Variants in TBC1D10B observed in about 807,000 individuals in gnomAD.
The protein encoded by TBC1D10B is Rab27A-GAPbeta.
In TBC1D10B, 25 loss-of-function variants were observed where a neutral mutation model predicts 78.4. The ratio of observed to expected loss-of-function variants is 0.32; its 90% CI spans 0.23 to 0.45. The LOEUF is 0.45. TBC1D10B is among the 20% of genes least tolerant of loss of function. TBC1D10B has a pLI of 1.00. For synonymous variants in TBC1D10B, 517 were observed against 478.0 expected (o/e 1.08, Z -1.06); for missense variants, 996 against 1,104.8 (o/e 0.90, Z 1.40).
Position 30,358,004 on chromosome 16 carries a change from T to G in TBC1D10B, c.2367A>C (p.Pro789=). 1 of 1,551,768 alleles carries G rather than the reference T, an allele frequency of 6.4e-7. No homozygotes were observed. Among genetic ancestry groups the G allele is most frequent in the East Asian group, 2.4e-5 (1 of 40,922 alleles). ...GCCTGTCCCCACCATCATGGGGGCC[T>G]GGGGGCCCATCTGCCTTTCGACGCA... ...LSLRRKADGP[P]GPHDGGDRPS... is the part of the protein sequence containing the mutation. Residue 789 remains proline (P), a synonymous_variant, in exon 9 of 9, where the codon CCA becomes CCC. Coordinates refer to ENST00000409939, the MANE Select transcript of TBC1D10B (RefSeq NM_015527.4).
At chr16:30,358,964 A>G (rs2049580458) in intron 7 of TBC1D10B, 147 bp from the exon 8 acceptor site, 1 of 1,249,232 alleles carries the variant, frequency 8.0e-7, no homozygotes, top group African/African-American at 1.5e-5. Context: ...ATGAGCTGCT[A>G]TCAGTCTCAG....
intron 6 of TBC1D10B, 52 bp downstream of exon 6, chr16:30,359,479 TGCCTGCA>T: frequency 6.4e-7 from 1 of 1,550,992 alleles, no homozygotes; most frequent in Non-Finnish European, 8.7e-7. Context: ...GGCAAGGACC[TGCCTGCA>T]GCCTGGAGGA....
In TBC1D10B at chr16:30,369,126, G is replaced by C. The variant is rs1394939103; in HGVS notation, c.956+102C>G. ...ATCACCCCGTGGATCCTCAGAGGAG[G>C]CTGGGCTGCCAGAGTCTGGGCAAAG... On this transcript the variant is annotated intron_variant, in intron 1 of 8. Coordinates refer to ENST00000409939, the MANE Select transcript of TBC1D10B (RefSeq NM_015527.4). The surrounding 1 kb of genome is among the most constrained non-coding windows in gnomAD (Gnocchi z 4.3). 8.1e-7 allele frequency: 1 copy of C among 1,238,284 alleles called. No homozygotes were observed. The highest frequency in any genetic ancestry group is 1.1e-6 in the Non-Finnish European group (1 of 907,582). 76.7% of individuals were successfully genotyped at this position (1,238,284 alleles called of 1,614,324 possible). A position where few individuals can be genotyped will look rare whatever the true frequency, so the allele number is the denominator to read the frequency against.
At chr16:30,368,025 G>T (rs907889248) in intron 1 of TBC1D10B, 1 of 152,150 alleles carries the variant, frequency 6.6e-6, no homozygotes, top group Non-Finnish European at 1.5e-5. Flanking sequence ...TTATTTGAGG[G>T]GGACAATTCA....
At chr16:30,359,671 A>G in intron 5 of TBC1D10B, 56 bp downstream of exon 5, 1 of 1,553,864 alleles carries the variant, frequency 6.4e-7, no homozygotes. Context: ...CTCCCCCATC[A>G]CCACTGTAGG....
chr16:30,360,056 T>C, intron 4 of TBC1D10B: 2 of 547,408 alleles, frequency 3.7e-6, no homozygotes. Flanking sequence ...CTCCTGGCCA[T>C]CCCAGCACAG....
rs1469328946 is a variant in TBC1D10B at position 30,365,234 on chromosome 16, G to C, written c.1057-22C>G. 1 of 1,607,248 alleles carries C rather than the reference G, an allele frequency of 6.2e-7. No individual in the cohort carries two copies. The highest frequency in any genetic ancestry group is 8.5e-7 in the Non-Finnish European group (1 of 1,174,090). On this transcript the variant is annotated intron_variant, in intron 2 of 8. Coordinates refer to ENST00000409939, the MANE Select transcript of TBC1D10B (RefSeq NM_015527.4). The surrounding 1 kb of genome is among the most constrained non-coding windows in gnomAD (Gnocchi z 5.0). ...TCACCTAAGGCAAAGTGGCAGGAGG[G>C]GGACAGCTTCAAGGGCTGGCACAGC...
At chr16:30,359,923 G>A in intron 4 of TBC1D10B, 82 bp from the exon 5 acceptor site, 7 of 1,254,192 alleles carry the variant, frequency 5.6e-6, no homozygotes, top group Non-Finnish European at 3.3e-6. Flanking sequence ...TCGTCCCAGA[G>A]TTTATCACCA....
rs563976463 is a variant in TBC1D10B, at chr16:30,370,071, G to A, written c.113C>T (p.Pro38Leu). 3.3e-5 allele frequency: 40 copies of A among 1,227,166 alleles called. No homozygotes were observed. The South Asian group carries it at 1.5e-3, about 47-fold the overall frequency. 76.0% of individuals were successfully genotyped at this position (1,227,166 alleles called of 1,614,324 possible). The change falls in exon 1 of 9, where the codon CCG (proline) becomes CTG (leucine). Residue 38 changes from proline to leucine, a missense_variant. Physicochemically the swap from Pro to Leu is moderately conservative, Grantham distance 98. Around this residue, in one of 5 missense-constraint regions of TBC1D10B, gnomAD observed 448 missense variants for 442.1 expected, o/e 1.01. Transcript: ENST00000409939. ...SRAGPVVVVA[P>L]GPPVTTATSA... Reference sequence around the variant, plus strand: ...AGTGGCCGTAGTCACTGGAGGTCCCGGAGCCACCACCACGACGGGCCCGGC... The same window carrying A: ...AGTGGCCGTAGTCACTGGAGGTCCCAGAGCCACCACCACGACGGGCCCGGC...
In TBC1D10B at chr16:30,359,938, C is replaced by T. The variant is rs547305456; in HGVS notation, c.1272-97G>A. On this transcript the variant is annotated intron_variant, in intron 4 of 8. Coordinates refer to ENST00000409939, the MANE Select transcript of TBC1D10B (RefSeq NM_015527.4). ...TCGTCCCAGAGTTTATCACCAGGCT[C>T]CTCCATCCACCTGCCCAGTCCTGCT... The T allele has an allele frequency of 2.2e-5, 23 of 1,066,206 alleles. No individual in the cohort carries two copies. In the East Asian group the frequency reaches 2.9e-4, roughly 13 times the overall value. The allele number at this position is 1,066,206 out of a possible 1,614,324, so 66.0% of individuals were successfully genotyped here.
intron 4 of TBC1D10B, among the ~76,000 whole-genome samples, chr16:30,362,908 G>A (rs1170661097): frequency 6.6e-6 from 1 of 152,186 alleles, no homozygotes; most frequent in Non-Finnish European, 1.5e-5. Context: ...ATGGTGGCGG[G>A]TGCCTGTAAT....
chr16:30,369,430 G>C lies in TBC1D10B; in HGVS notation c.754C>G (p.Leu252Val). ...CGAGGCCCAGAGATGCCAGGTCCCA[G>C]GCTGGACGTGGAGCCCAGGTCTTGA... ...NSQDLGSTSS[L>V]GPGISGPRGQ... The change falls in exon 1 of 9, where the codon CTG (leucine) becomes GTG (valine). Residue 252 changes from leucine (L) to valine (V), a missense_variant. Leu to Val is a conservative substitution (Grantham distance 32, BLOSUM62 1). This residue lies in a region of TBC1D10B where 448 missense variants were observed against 442.1 expected (regional missense o/e 1.01). Coordinates refer to ENST00000409939, the MANE Select transcript of TBC1D10B (RefSeq NM_015527.4). This position sits in a 1 kb window ranked among gnomAD's most constrained non-coding sequence, Gnocchi z 4.3. The C allele has an allele frequency of 1.3e-6, 2 of 1,562,440 alleles. No homozygotes were observed. Among genetic ancestry groups the C allele is most frequent in the Non-Finnish European group, 1.7e-6 (2 of 1,153,404 alleles).
intron 4 of TBC1D10B, chr16:30,360,207 G>A (rs537133786): frequency 2.4e-4 from 49 of 203,306 alleles, no homozygotes; most frequent in African/African-American, 8.3e-4. Context: ...GCTCCCCAGG[G>A]CAGGGCCTGC....
At chr16:30,364,270 G>A (rs1365705021) in intron 4 of TBC1D10B, among the ~76,000 whole-genome samples, 2 of 151,934 alleles carry the variant, frequency 1.3e-5, no homozygotes, top group Non-Finnish European at 2.9e-5. Flanking sequence ...GTGAAACCCC[G>A]TCTCTGCTAA....
At position 30,359,478 on chromosome 16, in the gene TBC1D10B, C is replaced by T. The variant is rs1236450267; in HGVS notation, c.1452+60G>A. On this transcript the variant is annotated intron_variant, in intron 6 of 8. Transcript: ENST00000409939. ...GGCCAGGGTGGGGCAAGGCAAGGAC[C>T]TGCCTGCAGCCTGGAGGAAACGCCA... is the stretch of plus-strand genomic sequence containing the variant. 5.2e-6 allele frequency: 8 copies of T among 1,550,480 alleles called. 1 individual carries two copies. The African/African-American group carries it at 6.8e-5, about 13-fold the overall frequency.
rs1034171847 is a variant in TBC1D10B, at chr16:30,364,977, C to T, written c.1194G>A (p.Lys398=). 5 of 1,613,368 alleles carry T rather than the reference C, an allele frequency of 3.1e-6. No individual in the cohort carries two copies. Among genetic ancestry groups the T allele is most frequent in the Non-Finnish European group, 4.2e-6 (5 of 1,179,702 alleles). ...EELERAPGDP[K]WLDVIEKDLH... Reference sequence around the variant, plus strand: ...GGTCCTTCTCAATCACATCCAGCCACTTGGGGTCCCCAGGAGCCCGTTCCA... The same window carrying T: ...GGTCCTTCTCAATCACATCCAGCCATTTGGGGTCCCCAGGAGCCCGTTCCA... Residue 398 remains lysine (K), a synonymous_variant, in exon 4 of 9, where the codon AAG becomes AAA. Coordinates refer to ENST00000409939, the MANE Select transcript of TBC1D10B (RefSeq NM_015527.4).
In TBC1D10B at chr16:30,359,841, C is replaced by T; in HGVS notation, c.1272G>A (p.Gly424=). Reference sequence around the variant, plus strand: ...TCAGGATTCGGTACAGGTCCTGTTGCCTGTGGGGGTTGGGGAAGACTGTGA... The same window carrying T: ...TCAGGATTCGGTACAGGTCCTGTTGTCTGTGGGGGTTGGGGAAGACTGTGA... The part of the protein sequence containing the change: ...HEMFAARGGH[G]QQDLYRILKA... The change falls in exon 5 of 9, where the codon GGG becomes GGA. Residue 424 remains glycine, a splice_region_variant and synonymous_variant. Coordinates refer to ENST00000409939, the MANE Select transcript of TBC1D10B (RefSeq NM_015527.4). The T allele has an allele frequency of 6.4e-7, 1 of 1,558,324 alleles. No homozygotes were observed. The highest frequency in any genetic ancestry group is 2.4e-5 in the East Asian group (1 of 41,606).
rs2049651895 is a variant in TBC1D10B at position 30,368,259 on chromosome 16, C to T, written c.956+969G>A. On this transcript the variant is annotated intron_variant, in intron 1 of 8. Coordinates refer to ENST00000409939, the MANE Select transcript of TBC1D10B (RefSeq NM_015527.4). ...CAAGACTAAATCAATCCTACTTACTCTCCACGATTCAGAGCAGGTTCAGCT... is the reference window on the plus strand; with the variant it reads ...CAAGACTAAATCAATCCTACTTACTTTCCACGATTCAGAGCAGGTTCAGCT... Among the ~76,000 whole-genome samples, 3 of 152,204 alleles carry T rather than the reference C, an allele frequency of 2.0e-5. No homozygotes were observed. The South Asian group carries it at 6.2e-4, about 32-fold the overall frequency.
intron 1 of TBC1D10B, among the ~76,000 whole-genome samples, chr16:30,368,897 G>T (rs142600721): frequency 1.3e-3 from 200 of 152,294 alleles, no homozygotes; most frequent in Non-Finnish European, 2.3e-3. Context: ...AAAGAGCAGG[G>T]ATGACCTCAG....
Sources: gnomAD v4.1 joint callset for allele counts (sites outside exome capture counted in the v4.1 genomes callset) on GRCh38, gnomAD v4.1.1 for gene constraint, gnomAD v4.1.1 regional missense constraint, Gnocchi (gnomAD v3.1) non-coding constraint, MANE v1.5 for transcripts, NCBI Gene and HGNC (gene_info 2026-07-23, HGNC 2026-07-21) for gene names.